Variants in RWDD1 observed in about 807,000 individuals in gnomAD.
RWDD1 encodes the protein RWD domain containing 1, also known as RWD domain-containing protein 1.
A neutral mutation model predicts 31.6 loss-of-function variants in RWDD1; 17 were observed. The ratio of observed to expected loss-of-function variants is 0.54; its 90% CI spans 0.37 to 0.81. The LOEUF is 0.81. Ranked by LOEUF, RWDD1 falls within the 30% of genes least tolerant of loss-of-function variation. The pLI is 0.00. For missense variants in RWDD1, 204 were observed against 274.5 expected (o/e 0.74, Z 1.82); for synonymous variants, 78 against 94.2 (o/e 0.83, Z 0.99).
chr6:116,571,707 G>C (rs750557420), intron 1 of RWDD1, 52 bp downstream of exon 1: 1 of 1,545,588 alleles, frequency 6.5e-7, no homozygotes, highest in East Asian at 2.3e-5. Flanking sequence ...AGTAGGACGG[G>C]CAGGAGCTGC....
At chr6:116,582,439 A>G (rs955077092) in intron 2 of RWDD1, among the ~76,000 whole-genome samples, 1 of 152,056 alleles carries the variant, frequency 6.6e-6, no homozygotes, top group Non-Finnish European at 1.5e-5. Flanking sequence ...ATTTGCCACA[A>G]TGATAAACTT....
At position 116,584,710 on chromosome 6, in the gene RWDD1, C is replaced by CT; in HGVS notation, c.140-15dup. 1 of 1,607,116 alleles carries CT rather than the reference C, an allele frequency of 6.2e-7. No homozygotes were observed. Among genetic ancestry groups the CT allele is most frequent in the Non-Finnish European group, 8.5e-7 (1 of 1,174,412 alleles). Reference sequence around the variant, plus strand: ...ACTTTTAAGGTATTCACATCAAACTCTTATCTTGTGTCTTAGCTGTCCAGA... The same window carrying CT: ...ACTTTTAAGGTATTCACATCAAACTCTTTATCTTGTGTCTTAGCTGTCCAGA... On this transcript the variant is annotated splice_polypyrimidine_tract_variant and intron_variant, in intron 2 of 6. Transcript: ENST00000466444.
intron 2 of RWDD1, among the ~76,000 whole-genome samples, chr6:116,582,253 G>GT (rs35838384): frequency 1.7e-3 from 243 of 140,334 alleles, no homozygotes; most frequent in Non-Finnish European, 1.8e-3. Flanking sequence ...AGTAGAATCA[G>GT]TTTTTTTTTT....
chr6:116,590,743 A>G (rs1775127660), intron 5 of RWDD1, 145 bp from the exon 6 acceptor site: 3 of 1,313,552 alleles, frequency 2.3e-6, no homozygotes, highest in Non-Finnish European at 3.0e-6. Context: ...GATACATTTC[A>G]TATGCCACTT....
chr6:116,575,337 C>T (rs927671327), intron 1 of RWDD1, among the ~76,000 whole-genome samples: 2 of 152,064 alleles, frequency 1.3e-5, no homozygotes, highest in Admixed American at 6.5e-5. Context: ...CCACCCACTT[C>T]GGCCTCCCAA....
Position 116,571,562 on chromosome 6 carries a change from T to A in RWDD1, c.-21T>A, listed in dbSNP as rs761091620. On this transcript the variant is annotated 5_prime_UTR_variant, in exon 1 of 7. It removes an upstream start codon present in the reference 5' UTR. Coordinates refer to ENST00000466444, the MANE Select transcript of RWDD1 (RefSeq NM_015952.4). Reference sequence around the variant, plus strand: ...GCCGCCTAGGTGTCTGGGCGATCTATGGGCAAGAGCAAGGGCCACGATGAC... The same window carrying A: ...GCCGCCTAGGTGTCTGGGCGATCTAAGGGCAAGAGCAAGGGCCACGATGAC... The A allele has an allele frequency of 6.2e-7, 1 of 1,611,170 alleles. No individual in the cohort carries two copies. The highest frequency in any genetic ancestry group is 1.1e-5 in the South Asian group (1 of 90,852).
chr6:116,577,651 C>T (rs7757158), intron 1 of RWDD1, among the ~76,000 whole-genome samples: 1 of 151,612 alleles, frequency 6.6e-6, no homozygotes, highest in East Asian at 1.9e-4. Flanking sequence ...TCACCATTTC[C>T]TGCTATTCCC....
At chr6:116,592,882 T>A in intron 6 of RWDD1, 98 bp from the exon 7 acceptor site, 2 of 1,337,246 alleles carry the variant, frequency 1.5e-6, no homozygotes, top group Non-Finnish European at 2.0e-6. Context: ...ATATGCAGAT[T>A]TGGAGATTTC....
At position 116,588,986 on chromosome 6, in the gene RWDD1, G is replaced by T; in HGVS notation, c.414+1G>T. The T allele has an allele frequency of 7.4e-7, 1 of 1,353,924 alleles. No individual in the cohort carries two copies. The highest frequency in any genetic ancestry group is 9.6e-7 in the Non-Finnish European group (1 of 1,040,586). 83.9% of individuals were successfully genotyped at this position (1,353,924 alleles called of 1,614,324 possible). A position where few individuals can be genotyped will look rare whatever the true frequency, so the allele number is the denominator to read the frequency against. On this transcript the variant is annotated splice_donor_variant, in intron 4 of 6. Transcript: ENST00000466444. LOFTEE classifies it high-confidence loss of function. ...AAAAGAAGCAGAAGAAGCTGAAAAGGTATATTTAAAAGCCTTGTTTTCTTT... is the reference window on the plus strand; with the variant it reads ...AAAAGAAGCAGAAGAAGCTGAAAAGTTATATTTAAAAGCCTTGTTTTCTTT...
At position 116,584,857 on chromosome 6, in the gene RWDD1, G is replaced by C. The variant is rs1178435148; in HGVS notation, c.270G>C (p.Gln90His). ...VSDILKLLALQAEENLGMVMI... is the reference protein window; with the variant it reads ...VSDILKLLALHAEENLGMVMI... ...ACATTTTAAAATTACTAGCATTACA[G>C]GTAAGGAAATAATAATTTTATGTTT... Residue 90 changes from glutamine to histidine, a missense_variant and splice_region_variant, in exon 3 of 7, where the codon CAG (glutamine) becomes CAC (histidine). Transcript: ENST00000466444. 6.4e-7 allele frequency: 1 copy of C among 1,566,510 alleles called. No homozygotes were observed.
intron 1 of RWDD1, among the ~76,000 whole-genome samples, chr6:116,577,964 A>G (rs796489508): frequency 2.0e-5 from 3 of 152,138 alleles, no homozygotes; most frequent in Non-Finnish European, 2.9e-5. Context: ...CCTTGCTTCC[A>G]TGGTGCCTCA....
At chr6:116,590,714 C>G (rs1331884414) in intron 5 of RWDD1, among the ~76,000 whole-genome samples, 174 bp from the exon 6 acceptor site, 1 of 152,108 alleles carries the variant, frequency 6.6e-6, no homozygotes, top group East Asian at 1.9e-4. Context: ...TGGGTTTTCA[C>G]TTGTTCCATT....
rs536126112 is a variant in RWDD1, at chr6:116,588,988, A to G, written c.414+3A>G. The G allele has an allele frequency of 1.1e-5, 15 of 1,353,106 alleles. No individual in the cohort carries two copies. Among genetic ancestry groups the G allele is most frequent in the African/African-American group, 9.0e-5 (6 of 66,334 alleles). The allele number at this position is 1,353,106 out of a possible 1,614,324, so 83.8% of individuals were successfully genotyped here. A position where few individuals can be genotyped will look rare whatever the true frequency, so the allele number is the denominator to read the frequency against. On this transcript the variant is annotated splice_donor_region_variant and intron_variant, in intron 4 of 6. Transcript: ENST00000466444. The stretch of plus-strand genomic sequence containing the variant: ...AAGAAGCAGAAGAAGCTGAAAAGGT[A>G]TATTTAAAAGCCTTGTTTTCTTTTA...
intron 6 of RWDD1, among the ~76,000 whole-genome samples, chr6:116,591,383 T>C (rs1483192674): frequency 6.6e-6 from 1 of 152,234 alleles, no homozygotes; most frequent in African/African-American, 2.4e-5. Flanking sequence ...AACCAGGTTA[T>C]TGTGACTCAG....
chr6:116,578,686 C>G (rs1303670885), intron 1 of RWDD1, among the ~76,000 whole-genome samples: 1 of 152,116 alleles, frequency 6.6e-6, no homozygotes, highest in East Asian at 1.9e-4. Context: ...TATTATGGCT[C>G]TATTATAATA....
At position 116,581,706 on chromosome 6, in the gene RWDD1, T is replaced by C. The variant is rs77725189; in HGVS notation, c.139+1346T>C. Among the ~76,000 whole-genome samples the C allele has an allele frequency of 2.4e-3, 371 of 152,128 alleles. 2 individuals are homozygous for C. The highest frequency in any genetic ancestry group is 8.5e-3 in the African/African-American group (354 of 41,548). On this transcript the variant is annotated intron_variant, in intron 2 of 6. Transcript: ENST00000466444. Reference sequence around the variant, plus strand: ...CTAAAATAATATATCCAGCAAATTATTAGTATTGGAAGATAGCATTATGCT... The same window carrying C: ...CTAAAATAATATATCCAGCAAATTACTAGTATTGGAAGATAGCATTATGCT...
chr6:116,583,204 T>C (rs1583332610), intron 2 of RWDD1, among the ~76,000 whole-genome samples: 1 of 152,290 alleles, frequency 6.6e-6, no homozygotes, highest in Admixed American at 6.5e-5. Context: ...CTTGAACTTC[T>C]GACTTCAAAT....
chr6:116,595,093 C>T lies in RWDD1; in HGVS notation c.*1992C>T, dbSNP rs1327154501. The T allele has an allele frequency of 1.3e-5, 2 of 152,052 alleles. No homozygotes were observed. The highest frequency in any genetic ancestry group is 4.8e-5 in the African/African-American group (2 of 41,400). 9.4% of individuals were successfully genotyped at this position (152,052 alleles called of 1,614,324 possible). A position where few individuals can be genotyped will look rare whatever the true frequency, so the allele number is the denominator to read the frequency against. On this transcript the variant is annotated 3_prime_UTR_variant, in exon 7 of 7. Coordinates refer to ENST00000466444, the MANE Select transcript of RWDD1 (RefSeq NM_015952.4). ...CTTTTCCCATCTTTTTGAAGCTGAT[C>T]AGCAGATACATAAGAACCTGGAAGA...
chr6:116,590,438 A>G, intron 5 of RWDD1, 34 bp downstream of exon 5: 1 of 1,541,038 alleles, frequency 6.5e-7, no homozygotes, highest in Non-Finnish European at 8.7e-7. Context: ...TTCTTCCTAA[A>G]CCCTCCTGTA....
Sources: gnomAD v4.1 joint callset for allele counts (sites outside exome capture counted in the v4.1 genomes callset) on GRCh38, gnomAD v4.1.1 for gene constraint, MANE v1.5 for transcripts, NCBI Gene and HGNC (gene_info 2026-07-23, HGNC 2026-07-21) for gene names.